The following PDE9A variants were observed in gnomAD, a reference collection of about 807,000 sequenced individuals.
The protein encoded by PDE9A is high affinity cGMP-specific 3',5'-cyclic phosphodiesterase 9A.
In PDE9A, 60 loss-of-function variants were observed where a neutral mutation model predicts 87.4. The observed-to-expected ratio is 0.69, with a 90% CI of 0.56 to 0.85. The LOEUF (loss-of-function observed/expected upper bound fraction) is 0.85, where lower values mean the gene tolerates loss of function less well. PDE9A is among the 40% of genes least tolerant of loss of function. PDE9A has a pLI of 0.00. For synonymous variants in PDE9A, 272 were observed against 279.4 expected (o/e 0.97, Z 0.27); for missense variants, 665 against 779.0 (o/e 0.85, Z 1.74).
At chr21:42,658,941 T>C (rs2057291155) in intron 1 of PDE9A, among the ~76,000 whole-genome samples, 1 of 152,132 alleles carries the variant, frequency 6.6e-6, no homozygotes, top group African/African-American at 2.4e-5. Context: ...GCCAGCCTTA[T>C]TGCTGTCCTG....
chr21:42,743,868 C>G lies in PDE9A; in HGVS notation c.653+8C>G. 1 of 1,549,370 alleles carries G rather than the reference C, an allele frequency of 6.5e-7. No individual in the cohort carries two copies. Among genetic ancestry groups the G allele is most frequent in the South Asian group, 1.2e-5 (1 of 84,932 alleles). On this transcript the variant is annotated splice_region_variant and intron_variant, in intron 8 of 19. Transcript: ENST00000291539. ...GGCGGCCAGAAGCAGCAGGTAGGGT[C>G]TGCGCTGGGGCCACGGGCGGCCGGG...
intron 3 of PDE9A, 52 bp from the exon 4 acceptor site, chr21:42,698,916 T>C: frequency 7.6e-7 from 1 of 1,319,852 alleles, no homozygotes; most frequent in Admixed American, 1.8e-5. Flanking sequence ...CTGCCAGGCA[T>C]ACAGCGAGCG....
At chr21:42,716,874 C>T (rs1214312896) in intron 4 of PDE9A, among the ~76,000 whole-genome samples, 1 of 150,538 alleles carries the variant, frequency 6.6e-6, no homozygotes, top group Non-Finnish European at 1.5e-5. Context: ...CCTCAGCCTC[C>T]CGAGTAGCTG....
At position 42,770,869 on chromosome 21, in the gene PDE9A, C is replaced by T. The variant is rs2056966012; in HGVS notation, c.1686+71C>T. On this transcript the variant is annotated intron_variant, in intron 18 of 19. Transcript: ENST00000291539. ...ACGCTGCCCTCCGCACTCCCGACTC[C>T]AGAAGCTTGGACGTGCCAAGCAGGG... 7 of 1,216,230 alleles carry T rather than the reference C, an allele frequency of 5.8e-6. No homozygotes were observed. In the East Asian group the frequency reaches 1.4e-4, roughly 25 times the overall value. 75.3% of individuals were successfully genotyped at this position (1,216,230 alleles called of 1,614,324 possible).
chr21:42,774,525 A>G (rs752188916), intron 19 of PDE9A, among the ~76,000 whole-genome samples: 8 of 152,196 alleles, frequency 5.3e-5, no homozygotes, highest in Non-Finnish European at 1.2e-4. Flanking sequence ...AAAGAGATCA[A>G]TATTGTTTTA....
intron 16 of PDE9A, 36 bp downstream of exon 16, chr21:42,768,328 C>A: frequency 7.7e-7 from 1 of 1,294,036 alleles, no homozygotes; most frequent in Non-Finnish European, 1.1e-6. Flanking sequence ...CCTCCAGCCA[C>A]TCTTATTAGC....
In PDE9A at chr21:42,704,496, A is replaced by G. The variant is rs1297821410; in HGVS notation, c.262+5485A>G. The stretch of plus-strand genomic sequence containing the variant: ...GCTTTCCTGAGAAATGTGTTTACAG[A>G]ACATTTTTTCCATTTGGGGTTTGTC... On this transcript the variant is annotated intron_variant, in intron 4 of 19. Coordinates refer to ENST00000291539, the MANE Select transcript of PDE9A (RefSeq NM_002606.3). The surrounding 1 kb of genome is among the most constrained non-coding windows in gnomAD (Gnocchi z 5.3). Among the ~76,000 whole-genome samples the G allele has an allele frequency of 4.6e-5, 7 of 150,620 alleles. No homozygotes were observed. Among genetic ancestry groups the G allele is most frequent in the African/African-American group, 1.7e-4 (7 of 40,736 alleles).
chr21:42,720,667 T>C (rs2050413281), intron 4 of PDE9A, among the ~76,000 whole-genome samples: 1 of 152,118 alleles, frequency 6.6e-6, no homozygotes, highest in Admixed American at 6.5e-5. Flanking sequence ...GACGATGTCA[T>C]GACTTGGCCT....
chr21:42,723,369 G>T lies in PDE9A; in HGVS notation c.263-8401G>T, dbSNP rs1208155726. Reference sequence around the variant, plus strand: ...AGCATTCCCTGCATGTGCTTATCAAGTGAGGAGGCCAGCAGGACTTAGCAC... The same window carrying T: ...AGCATTCCCTGCATGTGCTTATCAATTGAGGAGGCCAGCAGGACTTAGCAC... On this transcript the variant is annotated intron_variant, in intron 4 of 19. Coordinates refer to ENST00000291539, the MANE Select transcript of PDE9A (RefSeq NM_002606.3). This position sits in a 1 kb window ranked among gnomAD's most constrained non-coding sequence, Gnocchi z 4.3. Among the ~76,000 whole-genome samples, 3 of 152,254 alleles carry T rather than the reference G, an allele frequency of 2.0e-5. No homozygotes were observed. Among genetic ancestry groups the T allele is most frequent in the Non-Finnish European group, 4.4e-5 (3 of 68,044 alleles).
rs1034164667 is a variant in PDE9A at position 42,762,324 on chromosome 21, C to T, written c.1242+85C>T. 4.9e-6 allele frequency: 7 copies of T among 1,431,020 alleles called. No homozygotes were observed. The East Asian group carries it at 1.2e-4, about 24-fold the overall frequency. 88.6% of individuals were successfully genotyped at this position (1,431,020 alleles called of 1,614,324 possible). The stretch of plus-strand genomic sequence containing the variant: ...CCACTCTCCATTGGCTGGAAGCTCC[C>T]AGAAGCTCCTGGCCACAGCAGTGCC... On this transcript the variant is annotated intron_variant, in intron 14 of 19. Transcript: ENST00000291539.
chr21:42,691,799 A>T (rs1230572299), intron 3 of PDE9A, among the ~76,000 whole-genome samples: 1 of 150,008 alleles, frequency 6.7e-6, no homozygotes, highest in African/African-American at 2.5e-5. Context: ...TTCCAGACCC[A>T]TCATCATCAC....
intron 4 of PDE9A, among the ~76,000 whole-genome samples, chr21:42,716,881 G>A (rs978343788): frequency 6.7e-6 from 1 of 148,584 alleles, no homozygotes; most frequent in Non-Finnish European, 1.5e-5. Flanking sequence ...CTCCCGAGTA[G>A]CTGGGATTAC....
rs972799790 is a variant in PDE9A at position 42,660,888 on chromosome 21, C to T, written c.69+7005C>T. On this transcript the variant is annotated intron_variant, in intron 1 of 19. Transcript: ENST00000291539. The surrounding 1 kb of genome is among the most constrained non-coding windows in gnomAD (Gnocchi z 4.7). ...CTGCCTGTCTCCCCCCTCACCCTGA[C>T]CACATCTCCCCAAATCCCGAAGCTG... 1.3e-5 allele frequency among the ~76,000 whole-genome samples: 2 copies of T among 152,124 alleles called. No individual in the cohort carries two copies. Among genetic ancestry groups the T allele is most frequent in the South Asian group, 4.1e-4 (2 of 4,830 alleles).
rs560619913 is a variant in PDE9A at position 42,731,967 on chromosome 21, G to A, written c.442+18G>A. The A allele has an allele frequency of 7.4e-5, 119 of 1,611,970 alleles. 1 individual carries two copies. Among genetic ancestry groups the A allele is most frequent in the Admixed American group, 4.7e-4 (28 of 59,630 alleles). On this transcript the variant is annotated intron_variant, in intron 5 of 19. Coordinates refer to ENST00000291539, the MANE Select transcript of PDE9A (RefSeq NM_002606.3). ...CCCTCCAGGTAACGGGCAGCTCCTCGGCCACAGCCTCCACCCCCCAACACG... is the reference window on the plus strand; with the variant it reads ...CCCTCCAGGTAACGGGCAGCTCCTCAGCCACAGCCTCCACCCCCCAACACG...
At chr21:42,725,348 T>A (rs2050926506) in intron 4 of PDE9A, among the ~76,000 whole-genome samples, 1 of 152,112 alleles carries the variant, frequency 6.6e-6, no homozygotes, top group African/African-American at 2.4e-5. Flanking sequence ...CAAGCGATTC[T>A]CCTGCCTCAG....
chr21:42,764,302 A>G (rs2056138346), intron 14 of PDE9A, among the ~76,000 whole-genome samples: 1 of 152,306 alleles, frequency 6.6e-6, no homozygotes, highest in African/African-American at 2.4e-5. Context: ...CCCTTTATCT[A>G]TAGGCTCTCT....
rs2050654490 is a variant in PDE9A at position 42,722,703 on chromosome 21, A to G, written c.263-9067A>G. Among the ~76,000 whole-genome samples the G allele has an allele frequency of 6.6e-6, 1 of 152,210 alleles. No individual in the cohort carries two copies. On this transcript the variant is annotated intron_variant, in intron 4 of 19. Coordinates refer to ENST00000291539, the MANE Select transcript of PDE9A (RefSeq NM_002606.3). The surrounding 1 kb of genome is among the most constrained non-coding windows in gnomAD (Gnocchi z 4.1). Reference sequence around the variant, plus strand: ...AGCTCAGGTGCGTGGAGGACGGAAGAACTGCTGTTGCTGCTAGTATTCTCT... The same window carrying G: ...AGCTCAGGTGCGTGGAGGACGGAAGGACTGCTGTTGCTGCTAGTATTCTCT...
intron 3 of PDE9A, among the ~76,000 whole-genome samples, chr21:42,691,337 C>T (rs559685326): frequency 2.7e-5 from 4 of 150,856 alleles, no homozygotes; most frequent in Non-Finnish European, 5.9e-5. Flanking sequence ...CCAAAGTCAC[C>T]AAGCCCCTTC....
At chr21:42,736,987 C>T (rs2052524346) in intron 7 of PDE9A, among the ~76,000 whole-genome samples, 1 of 152,218 alleles carries the variant, frequency 6.6e-6, no homozygotes, top group East Asian at 1.9e-4. Context: ...AGCCTTAACC[C>T]AAAGATGCAA....
Sources: allele counts gnomAD v4.1 joint callset (sites outside exome capture counted in the v4.1 genomes callset), GRCh38; gene constraint gnomAD v4.1.1; non-coding constraint Gnocchi (gnomAD v3.1); transcripts MANE v1.5; gene names NCBI Gene and HGNC (gene_info 2026-07-23, HGNC 2026-07-21).